The following ADAMTS17 variants were observed in gnomAD, a reference collection of about 807,000 sequenced individuals.
The protein encoded by ADAMTS17 is ADAM metallopeptidase with thrombospondin type 1 motif 17.
ADAMTS17 carries 113 observed loss-of-function variants against 141.5 expected under a neutral mutation model. The observed-to-expected ratio is 0.80, with a 90% confidence interval of 0.69 to 0.93. ADAMTS17 has a LOEUF of 0.93. ADAMTS17 is among the 40% of genes least tolerant of loss of function. ADAMTS17 has a pLI of 0.00. For missense variants in ADAMTS17, 1,659 were observed against 1,517.9 expected (o/e 1.09, Z -1.54); for synonymous variants, 768 against 630.6 (o/e 1.22, Z -3.27).
chr15:100,097,557 A>G (rs2035838505), intron 14 of ADAMTS17, among the ~76,000 whole-genome samples: 1 of 152,228 alleles, frequency 6.6e-6, no homozygotes, highest in African/African-American at 2.4e-5. Flanking sequence ...GCATCCCTGG[A>G]GGCAAGTGCC....
intron 13 of ADAMTS17, 88 bp downstream of exon 13, chr15:100,116,759 G>A: frequency 1.9e-6 from 3 of 1,591,984 alleles, no homozygotes; most frequent in Non-Finnish European, 1.7e-6. Flanking sequence ...GTTTGGGAAA[G>A]GGATGCCCCC....
At chr15:100,341,792 G>C (rs767853240) in intron 1 of ADAMTS17, 29 bp downstream of exon 1, 1 of 1,547,112 alleles carries the variant, frequency 6.5e-7, no homozygotes, top group South Asian at 1.2e-5. Context: ...AGGACGCGGG[G>C]TGAAGAGGGC....
chr15:100,292,014 C>G (rs2044639585), intron 3 of ADAMTS17, among the ~76,000 whole-genome samples: 1 of 152,254 alleles, frequency 6.6e-6, no homozygotes, highest in Non-Finnish European at 1.5e-5. Flanking sequence ...TTATGAGACA[C>G]TCACCCCGTG....
intron 8 of ADAMTS17, among the ~76,000 whole-genome samples, chr15:100,194,176 C>T (rs1053416081): frequency 6.6e-6 from 1 of 152,228 alleles, no homozygotes; most frequent in Non-Finnish European, 1.5e-5. Context: ...CCTAGAAGGT[C>T]CTGTCTCTAG....
In ADAMTS17 at chr15:99,975,488, GGCATGA is replaced by G. The variant is rs1437067587; in HGVS notation, c.3127+551_3127+556del. 2.0e-5 allele frequency among the ~76,000 whole-genome samples: 3 copies of G among 152,232 alleles called. No homozygotes were observed. In the East Asian group the frequency reaches 5.8e-4, roughly 30 times the overall value. On this transcript the variant is annotated intron_variant, in intron 21 of 21. Transcript: ENST00000268070. ...GCCTCCCAAAGTGCTGGGATTTACA[GGCATGA>G]GCCACCACAACCAGCCAGATCTTTA...
chr15:100,230,630 A>T (rs973462916), intron 7 of ADAMTS17, among the ~76,000 whole-genome samples: 13 of 152,216 alleles, frequency 8.5e-5, no homozygotes, highest in Admixed American at 6.5e-5. Flanking sequence ...CTGGGTTGAG[A>T]TGGGAGTGAC....
chr15:100,133,454 G>C (rs1353999229), intron 10 of ADAMTS17, 139 bp from the exon 11 acceptor site: 1 of 773,780 alleles, frequency 1.3e-6, no homozygotes, highest in African/African-American at 1.7e-5. Context: ...TCATAAGTCT[G>C]TATGTCCAAA....
chr15:100,152,763 C>G lies in ADAMTS17; in HGVS notation c.1323-1G>C. 6.2e-7 allele frequency: 1 copy of G among 1,614,096 alleles called. No individual in the cohort carries two copies. Among genetic ancestry groups the G allele is most frequent in the Non-Finnish European group, 8.5e-7 (1 of 1,180,040 alleles). ...TAGCAAGCAGGTGCTGACTTTTGAC[C>G]TGAAACAGCCGAGAGGCAAGTTGAC... On this transcript the variant is annotated splice_acceptor_variant, in intron 9 of 21. Coordinates refer to ENST00000268070, the MANE Select transcript of ADAMTS17 (RefSeq NM_139057.4). LOFTEE classifies it high-confidence loss of function.
rs58162794 is a variant in ADAMTS17, at chr15:100,264,632, G to T, written c.790-2197C>A. Among the ~76,000 whole-genome samples the T allele has an allele frequency of 3.1e-3, 470 of 152,332 alleles. 8 individuals are homozygous for T. The highest frequency in any genetic ancestry group is 0.011 in the African/African-American group (446 of 41,580). ...TGCAAGTTTCAGGAAGAACAAAACTGTAGGAACAAGCTCCCTTGTCAAAAT... is the reference window on the plus strand; with the variant it reads ...TGCAAGTTTCAGGAAGAACAAAACTTTAGGAACAAGCTCCCTTGTCAAAAT... On this transcript the variant is annotated intron_variant, in intron 4 of 21. Coordinates refer to ENST00000268070, the MANE Select transcript of ADAMTS17 (RefSeq NM_139057.4).
rs2060836236 is a variant in ADAMTS17, at chr15:99,997,855, G to A, written c.2592-266C>T. ...CGGCAGACAGAATTATCTGGTCACG[G>A]CCTCCCTGTAGGGAATTACGTATCT... On this transcript the variant is annotated intron_variant, in intron 18 of 21. Transcript: ENST00000268070. The surrounding 1 kb of genome is among the most constrained non-coding windows in gnomAD (Gnocchi z 4.7). Among the ~76,000 whole-genome samples the A allele has an allele frequency of 6.6e-6, 1 of 152,144 alleles. No homozygotes were observed. The highest frequency in any genetic ancestry group is 2.4e-5 in the African/African-American group (1 of 41,432).
chr15:100,088,072 C>T (rs563047257), intron 15 of ADAMTS17, among the ~76,000 whole-genome samples: 11 of 152,226 alleles, frequency 7.2e-5, no homozygotes, highest in East Asian at 5.8e-4. Context: ...GATGACATGA[C>T]TGTATATCTA....
intron 6 of ADAMTS17, chr15:100,256,910 G>C (rs998347732): frequency 6.6e-6 from 1 of 152,472 alleles, no homozygotes; most frequent in East Asian, 1.9e-4. Flanking sequence ...TCCACTCAGG[G>C]GTCCTTCCAA....
chr15:100,169,003 G>A (rs545961233), intron 8 of ADAMTS17, among the ~76,000 whole-genome samples: 6 of 151,790 alleles, frequency 4.0e-5, no homozygotes, highest in African/African-American at 7.3e-5. Context: ...GGTGGCCAGC[G>A]CGGTGGTGGT....
intron 7 of ADAMTS17, among the ~76,000 whole-genome samples, chr15:100,206,067 G>A (rs549902403): frequency 1.1e-4 from 17 of 152,322 alleles, no homozygotes; most frequent in East Asian, 7.7e-4. Context: ...CCGCTCTCTC[G>A]GCAAACTTTC....
chr15:100,327,552 G>A (rs537925766), intron 3 of ADAMTS17, among the ~76,000 whole-genome samples: 8 of 152,346 alleles, frequency 5.3e-5, no homozygotes, highest in African/African-American at 1.9e-4. Flanking sequence ...CACCATGGGG[G>A]AGGAGAGGAA....
At chr15:100,309,543 G>A (rs988439849) in intron 3 of ADAMTS17, among the ~76,000 whole-genome samples, 7 of 152,168 alleles carry the variant, frequency 4.6e-5, no homozygotes, top group African/African-American at 7.2e-5. Context: ...CCTGGCTGCC[G>A]CAGAGTCCTC....
At chr15:100,317,939 G>A (rs1428068080) in intron 3 of ADAMTS17, among the ~76,000 whole-genome samples, 1 of 152,176 alleles carries the variant, frequency 6.6e-6, no homozygotes, top group East Asian at 1.9e-4. Context: ...CAAGAGCAGA[G>A]CATAGGACAG....
intron 3 of ADAMTS17, among the ~76,000 whole-genome samples, chr15:100,289,025 A>G (rs1348784782): frequency 2.6e-5 from 4 of 152,172 alleles, no homozygotes; most frequent in Non-Finnish European, 5.9e-5. Flanking sequence ...AATAAAATTG[A>G]GACATGAAAA....
In ADAMTS17 at chr15:100,192,368, A is replaced by G. The variant is rs111420499; in HGVS notation, c.1181+6950T>C. 4.0e-3 allele frequency among the ~76,000 whole-genome samples: 608 copies of G among 152,346 alleles called. 5 individuals are homozygous for G. Among genetic ancestry groups the G allele is most frequent in the African/African-American group, 0.014 (596 of 41,588 alleles). On this transcript the variant is annotated intron_variant, in intron 8 of 21. Coordinates refer to ENST00000268070, the MANE Select transcript of ADAMTS17 (RefSeq NM_139057.4). Reference sequence around the variant, plus strand: ...CTGTCTGGAGCCTGTCCAAGGCTCCATCCCTTCCTGGGGGGAGGCACCCCC... The same window carrying G: ...CTGTCTGGAGCCTGTCCAAGGCTCCGTCCCTTCCTGGGGGGAGGCACCCCC...
Sources: allele counts gnomAD v4.1 joint callset (sites outside exome capture counted in the v4.1 genomes callset), GRCh38; gene constraint gnomAD v4.1.1; non-coding constraint Gnocchi (gnomAD v3.1); transcripts MANE v1.5; gene names NCBI Gene and HGNC (gene_info 2026-07-23, HGNC 2026-07-21).